The following SULT1C2 variants were observed in gnomAD, a reference collection of about 807,000 sequenced individuals.
SULT1C2 encodes sulfotransferase 1C2.
A neutral mutation model predicts 36.0 loss-of-function variants in SULT1C2; 27 were observed. The observed-to-expected ratio is 0.75, with a 90% CI of 0.55 to 1.03. The LOEUF (loss-of-function observed/expected upper bound fraction) is 1.03. Among genes scored for constraint, SULT1C2 ranks in the 50% least tolerant of loss-of-function variants. The pLI is 0.00. For synonymous variants in SULT1C2, 121 were observed against 116.0 expected (o/e 1.04, Z -0.27); for missense variants, 395 against 359.2 (o/e 1.10, Z -0.80).
At chr2:108,298,354 T>G (rs1676789485) in intron 3 of SULT1C2, among the ~76,000 whole-genome samples, 1 of 152,168 alleles carries the variant, frequency 6.6e-6, no homozygotes. Flanking sequence ...CTTGCTCATG[T>G]TTTCAACTTT....
chr2:108,304,513 G>A, intron 4 of SULT1C2, 61 bp from the exon 5 acceptor site: 12 of 1,543,456 alleles, frequency 7.8e-6, no homozygotes, highest in Non-Finnish European at 1.0e-5. Context: ...CTGCCTAAGG[G>A]AACTCTGTGA....
chr2:108,289,466 A>C (rs942229119), intron 1 of SULT1C2, among the ~76,000 whole-genome samples: 1 of 152,202 alleles, frequency 6.6e-6, no homozygotes, highest in Non-Finnish European at 1.5e-5. Context: ...AGGGGACTGA[A>C]CCAGATCCTG....
At chr2:108,304,529 C>T (rs1344394555) in intron 4 of SULT1C2, 45 bp from the exon 5 acceptor site, 1 of 1,557,184 alleles carries the variant, frequency 6.4e-7, no homozygotes. Flanking sequence ...TGTGAAAGTC[C>T]ACTTTTTATA....
chr2:108,306,274 T>C (rs564397422), intron 7 of SULT1C2, among the ~76,000 whole-genome samples: 2 of 152,324 alleles, frequency 1.3e-5, no homozygotes, highest in East Asian at 1.9e-4. Context: ...AAAAACTTTA[T>C]CACTTTCTAA....
Position 108,294,309 on chromosome 2 carries a change from C to T in SULT1C2, c.232C>T (p.His78Tyr). 2.5e-6 allele frequency: 4 copies of T among 1,614,118 alleles called. No homozygotes were observed. The highest frequency in any genetic ancestry group is 1.7e-5 in the Admixed American group (1 of 60,016). ...VEKCQRAIIQ[H>Y]RHPFIEWARP... is the part of the protein sequence containing the mutation. ...GAAGTGCCAGCGAGCCATCATCCAA[C>T]ACCGCCATCCTTTCATTGAGTGGGC... The change falls in exon 3 of 8, where the codon CAC (histidine) becomes TAC (tyrosine). Residue 78 changes from histidine (H) to tyrosine (Y), a missense_variant. His to Tyr is a moderately conservative substitution (Grantham distance 83). Coordinates refer to ENST00000251481, the MANE Select transcript of SULT1C2 (RefSeq NM_001056.4).
chr2:108,303,862 C>T (rs1312677370), intron 4 of SULT1C2: 1 of 152,192 alleles, frequency 6.6e-6, no homozygotes, highest in Middle Eastern at 3.2e-3. Context: ...ACAATCATCC[C>T]ATCATCCCCA....
At chr2:108,301,152 A>G in intron 4 of SULT1C2, 1 of 565,360 alleles carries the variant, frequency 1.8e-6, no homozygotes, top group Non-Finnish European at 3.0e-6. Context: ...GAATGTTTGG[A>G]GGGAACTAGA....
chr2:108,304,514 A>T (rs1676969526), intron 4 of SULT1C2, 60 bp from the exon 5 acceptor site: 1 of 1,542,806 alleles, frequency 6.5e-7, no homozygotes, highest in Non-Finnish European at 8.7e-7. Context: ...TGCCTAAGGG[A>T]ACTCTGTGAA....
intron 3 of SULT1C2, among the ~76,000 whole-genome samples, chr2:108,298,023 G>A (rs1386281316): frequency 6.6e-6 from 1 of 152,192 alleles, no homozygotes; most frequent in Non-Finnish European, 1.5e-5. Context: ...ATTAAATCAG[G>A]TGTAATAGGA....
chr2:108,301,614 G>C (rs1296161846), intron 4 of SULT1C2: 22 of 152,294 alleles, frequency 1.4e-4, no homozygotes, highest in Admixed American at 1.3e-3. Flanking sequence ...GTAAACAGAT[G>C]AATCAGGCAG....
intron 5 of SULT1C2, 134 bp downstream of exon 5, chr2:108,304,834 G>GCTTGCTCTGCCC: frequency 8.0e-7 from 1 of 1,250,020 alleles, no homozygotes; most frequent in Non-Finnish European, 1.1e-6. Context: ...GGACTGGGCA[G>GCTTGCTCTGCCC]AGCAAGCTGG....
Position 108,307,893 on chromosome 2 carries a change from C to T in SULT1C2, c.779-459C>T, listed in dbSNP as rs140222985. On this transcript the variant is annotated intron_variant, in intron 7 of 7. Transcript: ENST00000251481. ...GTCAATGTCTACCTCCAGGGACAACCGTTTTTCCAATTTCTATTACTCTAG... is the reference window on the plus strand; with the variant it reads ...GTCAATGTCTACCTCCAGGGACAACTGTTTTTCCAATTTCTATTACTCTAG... 7.2e-5 allele frequency among the ~76,000 whole-genome samples: 11 copies of T among 152,228 alleles called. No homozygotes were observed. The East Asian group carries it at 2.1e-3, about 29-fold the overall frequency.
At chr2:108,291,671 C>T (rs930547323) in intron 1 of SULT1C2, among the ~76,000 whole-genome samples, 7 of 152,108 alleles carry the variant, frequency 4.6e-5, no homozygotes, top group South Asian at 4.2e-4. Flanking sequence ...ATGTTGGCTG[C>T]GATCCTGGGC....
intron 7 of SULT1C2, among the ~76,000 whole-genome samples, chr2:108,308,128 G>C (rs1251169096): frequency 6.6e-6 from 1 of 152,140 alleles, no homozygotes; most frequent in Non-Finnish European, 1.5e-5. Context: ...TAGCTGCCTT[G>C]GGTCAGTTGT....
At position 108,305,249 on chromosome 2, in the gene SULT1C2, T is replaced by C; in HGVS notation, c.580T>C (p.Tyr194His). 1 of 1,614,138 alleles carries C rather than the reference T, an allele frequency of 6.2e-7. No homozygotes were observed. The highest frequency in any genetic ancestry group is 1.1e-5 in the South Asian group (1 of 91,082). The change falls in exon 6 of 8, where the codon TAT (tyrosine) becomes CAT (histidine). Residue 194 changes from tyrosine to histidine, a missense_variant. By Grantham distance (83) the Tyr-to-His change is moderately conservative (BLOSUM62 2). Coordinates refer to ENST00000251481, the MANE Select transcript of SULT1C2 (RefSeq NM_001056.4). ...KDRHQILFLFYEDIKRDPKHE... is the reference protein window; with the variant it reads ...KDRHQILFLFHEDIKRDPKHE... ...CAGACACCAGATTCTCTTCCTCTTC[T>C]ATGAGGACATAAAGAGGGTGAGTGA...
At chr2:108,304,448 G>A (rs753542331) in intron 4 of SULT1C2, 126 bp from the exon 5 acceptor site, 81 of 1,040,562 alleles carry the variant, frequency 7.8e-5, no homozygotes, top group Non-Finnish European at 1.0e-4. Context: ...AGGCCAAGTC[G>A]CAGGGCCAGC....
intron 3 of SULT1C2, among the ~76,000 whole-genome samples, chr2:108,295,685 C>T (rs1676707500): frequency 6.6e-6 from 1 of 152,208 alleles, no homozygotes; most frequent in Non-Finnish European, 1.5e-5. Context: ...AGGTAAAAAG[C>T]TTGAAGCAGT....
In SULT1C2 at chr2:108,308,395, TGA is replaced by T; in HGVS notation, c.826_827del (p.Arg276ValfsTer2). The T allele has an allele frequency of 6.2e-7, 1 of 1,613,440 alleles. No individual in the cohort carries two copies. The highest frequency in any genetic ancestry group is 8.5e-7 in the Non-Finnish European group (1 of 1,179,876). ...WKNHFTVAQN[E>X]RFDEIYRRKM... The stretch of plus-strand genomic sequence containing the variant: ...AAAACCACTTCACTGTTGCCCAGAA[TGA>T]GAGGTTTGATGAAATCTATAGAAGA... On this transcript the variant is annotated frameshift_variant, in exon 8 of 8. Transcript: ENST00000251481. LOFTEE classifies it low-confidence loss of function (END_TRUNC).
rs1676678258 is a variant in SULT1C2, at chr2:108,294,622, C to A, written c.277+268C>A. Among the ~76,000 whole-genome samples the A allele has an allele frequency of 2.0e-5, 3 of 152,130 alleles. 1 individual carries two copies. The highest frequency in any genetic ancestry group is 2.0e-4 in the Admixed American group (3 of 15,282). On this transcript the variant is annotated intron_variant, in intron 3 of 7. Transcript: ENST00000251481. ...CTAGGGTCAGATTCTGCCTTATTTTCTTCTTAAGCCCTCCCTCTGATCATG... is the reference window on the plus strand; with the variant it reads ...CTAGGGTCAGATTCTGCCTTATTTTATTCTTAAGCCCTCCCTCTGATCATG...
Sources: allele counts gnomAD v4.1 joint callset (sites outside exome capture counted in the v4.1 genomes callset), GRCh38; gene constraint gnomAD v4.1.1; transcripts MANE v1.5; gene names NCBI Gene and HGNC (gene_info 2026-07-23, HGNC 2026-07-21).